Variants in ARHGAP31 observed in about 807,000 individuals in gnomAD.
ARHGAP31 encodes rho GTPase-activating protein 31.
A neutral mutation model predicts 113.9 loss-of-function variants in ARHGAP31; 34 were observed. The ratio of observed to expected loss-of-function variants is 0.30; its 90% CI spans 0.23 to 0.40. ARHGAP31 has a LOEUF of 0.40. Among genes scored for constraint, ARHGAP31 ranks in the 10% least tolerant of loss-of-function variants. The pLI is 1.00. For missense variants in ARHGAP31, 1,548 were observed against 1,767.1 expected (o/e 0.88, Z 2.22); for synonymous variants, 650 against 684.8 (o/e 0.95, Z 0.79).
intron 2 of ARHGAP31, among the ~76,000 whole-genome samples, chr3:119,367,116 A>G (rs1012403404): frequency 1.3e-5 from 2 of 151,850 alleles, no homozygotes; most frequent in Non-Finnish European, 2.9e-5. Flanking sequence ...ATAGCATGGC[A>G]TAGATCTCTT....
intron 1 of ARHGAP31, among the ~76,000 whole-genome samples, chr3:119,359,724 C>G (rs2080189204): frequency 6.6e-6 from 1 of 151,926 alleles, no homozygotes; most frequent in Admixed American, 6.5e-5. Context: ...AGAGAGAGCT[C>G]TTGGATTCTG....
chr3:119,363,065 C>G (rs2080224075), intron 1 of ARHGAP31, among the ~76,000 whole-genome samples: 1 of 152,144 alleles, frequency 6.6e-6, no homozygotes, highest in Non-Finnish European at 1.5e-5. Context: ...AAACAGAACC[C>G]TTGTATATTT....
chr3:119,391,092 G>T (rs143472091), intron 7 of ARHGAP31, 109 bp downstream of exon 7: 2 of 1,241,364 alleles, frequency 1.6e-6, no homozygotes, highest in South Asian at 2.5e-5. Flanking sequence ...TGGAGGTACC[G>T]TCTGGGTTGG....
rs1310669049 is a variant in ARHGAP31, at chr3:119,417,068, T to C, written c.*804T>C. ...CGCAGGGTGGAGGCTGGGCTGAGGA[T>C]TACCATAATGAAATGTACTAAATCT... On this transcript the variant is annotated 3_prime_UTR_variant, in exon 12 of 12. Transcript: ENST00000264245. 1.3e-5 allele frequency: 2 copies of C among 152,370 alleles called. No individual in the cohort carries two copies. The highest frequency in any genetic ancestry group is 2.4e-5 in the African/African-American group (1 of 41,464). The allele number at this position is 152,370 out of a possible 1,614,324, so 9.4% of individuals were successfully genotyped here. A position where few individuals can be genotyped will look rare whatever the true frequency, so the allele number is the denominator to read the frequency against.
intron 3 of ARHGAP31, among the ~76,000 whole-genome samples, chr3:119,373,001 A>C (rs780423090): frequency 1.1e-4 from 16 of 152,238 alleles, no homozygotes; most frequent in Non-Finnish European, 2.4e-4. Context: ...TTCGCTATCT[A>C]TTGCAAAATG....
At chr3:119,324,975 ACTC>A (rs2079829002) in intron 1 of ARHGAP31, 1 of 456,652 alleles carries the variant, frequency 2.2e-6, no homozygotes, top group Non-Finnish European at 4.4e-6. Context: ...AATAAGCAGT[ACTC>A]CTCATGTCAA....
intron 1 of ARHGAP31, among the ~76,000 whole-genome samples, chr3:119,358,546 A>G (rs139368476): frequency 2.4e-4 from 36 of 152,342 alleles, no homozygotes; most frequent in African/African-American, 8.2e-4. Flanking sequence ...ACTTGTACGT[A>G]AAGGTTCATA....
At chr3:119,384,955 C>T (rs141534901) in intron 6 of ARHGAP31, among the ~76,000 whole-genome samples, 1,955 of 148,736 alleles carry the variant, frequency 0.013, 45 homozygotes, top group African/African-American at 0.045. Flanking sequence ...GATGGAGTCT[C>T]ACTCTGTTGC....
chr3:119,323,189 G>A (rs1224092044), intron 1 of ARHGAP31, among the ~76,000 whole-genome samples: 3 of 152,170 alleles, frequency 2.0e-5, no homozygotes, highest in African/African-American at 7.2e-5. Context: ...CCGCGCCCCC[G>A]GCCGCTTCCC....
At chr3:119,410,357 G>T (rs2080705124) in intron 11 of ARHGAP31, among the ~76,000 whole-genome samples, 2 of 152,330 alleles carry the variant, frequency 1.3e-5, no homozygotes, top group Non-Finnish European at 2.9e-5. Flanking sequence ...AGTGTGAGGA[G>T]GTTTTCCAGG....
At chr3:119,355,339 C>T (rs1214591904) in intron 1 of ARHGAP31, among the ~76,000 whole-genome samples, 1 of 152,146 alleles carries the variant, frequency 6.6e-6, no homozygotes, top group African/African-American at 2.4e-5. Context: ...TAAAAACCCA[C>T]CTAAAGCCAT....
At chr3:119,380,320 A>G (rs1015327977) in intron 3 of ARHGAP31, among the ~76,000 whole-genome samples, 6 of 152,140 alleles carry the variant, frequency 3.9e-5, no homozygotes, top group African/African-American at 1.4e-4. Context: ...CAGCTGGCTG[A>G]GTGGACTTGG....
chr3:119,301,943 C>T (rs994414404), intron 1 of ARHGAP31, among the ~76,000 whole-genome samples: 3 of 152,202 alleles, frequency 2.0e-5, no homozygotes, highest in African/African-American at 7.2e-5. Context: ...TCTCAGGACT[C>T]CACTTCCTTC....
At chr3:119,362,579 C>T (rs944045122) in intron 1 of ARHGAP31, among the ~76,000 whole-genome samples, 2 of 151,818 alleles carry the variant, frequency 1.3e-5, no homozygotes, top group Non-Finnish European at 2.9e-5. Context: ...ACTAGCCTGG[C>T]GAACATAGTG....
intron 7 of ARHGAP31, among the ~76,000 whole-genome samples, chr3:119,392,262 A>C (rs2080511573): frequency 6.6e-6 from 1 of 152,216 alleles, no homozygotes; most frequent in Non-Finnish European, 1.5e-5. Context: ...AGCCTGGGCA[A>C]CATGGTGAAA....
Position 119,414,463 on chromosome 3 carries a change from A to T in ARHGAP31, c.2534A>T (p.Asp845Val), listed in dbSNP as rs199843927. The change falls in exon 12 of 12, where the codon GAC (aspartate) becomes GTC (valine). Residue 845 changes from aspartate to valine, a missense_variant. Asp to Val is a radical substitution (Grantham distance 152). Transcript: ENST00000264245. ...GAGGAGGCAACCCCAAGACACAGTGACAAGCAAAATTCAAAGAATGCTGCT... is the reference window on the plus strand; with the variant it reads ...GAGGAGGCAACCCCAAGACACAGTGTCAAGCAAAATTCAAAGAATGCTGCT... Reference protein sequence around the residue: ...QGEEATPRHSDKQNSKNAASE... With the variant: ...QGEEATPRHSVKQNSKNAASE... The T allele has an allele frequency of 6.2e-5, 100 of 1,614,122 alleles. No homozygotes were observed. In the African/African-American group the frequency reaches 1.2e-3, roughly 19 times the overall value.
Position 119,349,878 on chromosome 3 carries a change from C to T in ARHGAP31, c.101-15438C>T, listed in dbSNP as rs2080096140. Among the ~76,000 whole-genome samples the T allele has an allele frequency of 2.6e-5, 4 of 152,176 alleles. No homozygotes were observed. In the South Asian group the frequency reaches 8.3e-4, roughly 32 times the overall value. Reference sequence around the variant, plus strand: ...TCCAGGAGAATGCTTTCTGGGCAGGCTTCCCTGCTTCCATTTCCACTATTG... The same window carrying T: ...TCCAGGAGAATGCTTTCTGGGCAGGTTTCCCTGCTTCCATTTCCACTATTG... On this transcript the variant is annotated intron_variant, in intron 1 of 11. Transcript: ENST00000264245.
rs533741107 is a variant in ARHGAP31, at chr3:119,335,468, T to C, written c.101-29848T>C. Among the ~76,000 whole-genome samples the C allele has an allele frequency of 1.4e-4, 21 of 152,076 alleles. 1 individual carries two copies. The South Asian group carries it at 4.4e-3, about 32-fold the overall frequency. On this transcript the variant is annotated intron_variant, in intron 1 of 11. Coordinates refer to ENST00000264245, the MANE Select transcript of ARHGAP31 (RefSeq NM_020754.4). Reference sequence around the variant, plus strand: ...CCCCGGTCCTCAAAGTGGAGACACTTTGAGGAGCCCCTAGGCCAGGGCAGG... The same window carrying C: ...CCCCGGTCCTCAAAGTGGAGACACTCTGAGGAGCCCCTAGGCCAGGGCAGG...
chr3:119,370,369 G>C (rs2080287802), intron 3 of ARHGAP31, among the ~76,000 whole-genome samples: 1 of 152,098 alleles, frequency 6.6e-6, no homozygotes, highest in Non-Finnish European at 1.5e-5. Flanking sequence ...AACATGTTGT[G>C]GGTATTCTTT....
Sources: allele counts gnomAD v4.1 joint callset (sites outside exome capture counted in the v4.1 genomes callset), GRCh38; gene constraint gnomAD v4.1.1; transcripts MANE v1.5; gene names NCBI Gene and HGNC (gene_info 2026-07-23, HGNC 2026-07-21).